The following OR51B5 variants were observed in gnomAD, a reference collection of about 807,000 sequenced individuals.
OR51B5 encodes the protein olfactory receptor family 51 subfamily B member 5, also known as olfactory receptor 51B5.
For synonymous variants in OR51B5, 186 were observed against 144.8 expected (o/e 1.28, Z -2.04); for missense variants, 456 against 374.6 (o/e 1.22, Z -1.79).
intron 1 of OR51B5, among the ~76,000 whole-genome samples, chr11:5,457,570 T>C (rs1379245431): frequency 6.6e-6 from 1 of 152,220 alleles, no homozygotes; most frequent in Admixed American, 6.5e-5. Flanking sequence ...GCTGAACTAA[T>C]TTACATTCCC....
chr11:5,487,960 T>C (rs415009), intron 1 of OR51B5, among the ~76,000 whole-genome samples: 146,190 of 152,264 alleles, frequency 0.96, 70,214 homozygotes, highest in South Asian at 0.98. Context: ...GCACTTCAGA[T>C]GATATATATA....
At chr11:5,492,216 G>C (rs919250818) in intron 1 of OR51B5, among the ~76,000 whole-genome samples, 4 of 151,850 alleles carry the variant, frequency 2.6e-5, no homozygotes, top group African/African-American at 9.7e-5. Context: ...CACCAAGTCT[G>C]TCTCTCTCAC....
chr11:5,452,902 A>G (rs1264544440), intron 1 of OR51B5, among the ~76,000 whole-genome samples: 1 of 152,216 alleles, frequency 6.6e-6, no homozygotes, highest in Non-Finnish European at 1.5e-5. Flanking sequence ...CTGCCAATGA[A>G]AAGCTCATGA....
At chr11:5,440,604 C>G (rs77336780) in intron 1 of OR51B5, 89,073 of 1,613,394 alleles carry the variant, frequency 0.055, 3,416 homozygotes, top group East Asian at 0.17. Context: ...CTTGAGAATC[C>G]CTTTGCGGAT....
At chr11:5,347,800 A>T (rs1419750930), upstream of OR51B5, among the ~76,000 whole-genome samples, 3 of 152,026 alleles carry the variant, frequency 2.0e-5, no homozygotes, top group Non-Finnish European at 2.9e-5. Flanking sequence ...GAGGGAGCAG[A>T]AGAGGGAGGG....
chr11:5,446,253 T>C (rs1850761690), intron 1 of OR51B5, among the ~76,000 whole-genome samples: 1 of 150,846 alleles, frequency 6.6e-6, no homozygotes. Context: ...TAAAGTATAA[T>C]AAAAATACAT....
At chr11:5,377,733 A>T (rs1415406502) in intron 1 of OR51B5, among the ~76,000 whole-genome samples, 2 of 151,870 alleles carry the variant, frequency 1.3e-5, no homozygotes, top group Non-Finnish European at 2.9e-5. Flanking sequence ...AGAATAAAAT[A>T]CCTAGGAATC....
intron 1 of OR51B5, among the ~76,000 whole-genome samples, chr11:5,377,464 A>C (rs1461881189): frequency 1.3e-5 from 2 of 152,194 alleles, no homozygotes; most frequent in South Asian, 2.1e-4. Context: ...TGGCCAGGGC[A>C]ATTAGGCAGA....
At chr11:5,476,540 T>C (rs1417863570) in intron 1 of OR51B5, among the ~76,000 whole-genome samples, 1 of 152,222 alleles carries the variant, frequency 6.6e-6, no homozygotes, top group African/African-American at 2.4e-5. Flanking sequence ...CTTTGTGACT[T>C]GGTATCTCTT....
At chr11:5,387,395 T>C (rs1230884592) in intron 1 of OR51B5, among the ~76,000 whole-genome samples, 1 of 152,154 alleles carries the variant, frequency 6.6e-6, no homozygotes, top group Non-Finnish European at 1.5e-5. Flanking sequence ...AAAAAAACAT[T>C]ATAGGGTGGT....
intron 1 of OR51B5, among the ~76,000 whole-genome samples, chr11:5,467,958 T>A (rs1310120962): frequency 6.6e-6 from 1 of 152,198 alleles, no homozygotes; most frequent in Admixed American, 6.5e-5. Flanking sequence ...GAATTCCATG[T>A]GTTGTATGGT....
chr11:5,413,368 A>T (rs1344275639), intron 1 of OR51B5, among the ~76,000 whole-genome samples: 1 of 152,132 alleles, frequency 6.6e-6, no homozygotes, highest in Non-Finnish European at 1.5e-5. Context: ...AAACTCTAAA[A>T]AGCAGAGCAC....
At chr11:5,438,716 A>T (rs1850627165) in intron 1 of OR51B5, among the ~76,000 whole-genome samples, 1 of 152,188 alleles carries the variant, frequency 6.6e-6, no homozygotes, top group Non-Finnish European at 1.5e-5. Flanking sequence ...ACATCCATGC[A>T]AATCTCAAGA....
intron 1 of OR51B5, among the ~76,000 whole-genome samples, chr11:5,360,109 A>T (rs1463229646): frequency 6.6e-6 from 1 of 152,046 alleles, no homozygotes; most frequent in East Asian, 1.9e-4. Context: ...CTAAAACACC[A>T]AAAGCAATGG....
chr11:5,470,634 T>C (rs148013756), intron 1 of OR51B5, among the ~76,000 whole-genome samples: 1 of 152,220 alleles, frequency 6.6e-6, no homozygotes. Flanking sequence ...TCAATTATCA[T>C]GTTTTATCCT....
At chr11:5,386,751 G>C (rs1849701315) in intron 1 of OR51B5, among the ~76,000 whole-genome samples, 2 of 152,142 alleles carry the variant, frequency 1.3e-5, no homozygotes, top group South Asian at 2.1e-4. Context: ...ATTGGCTACA[G>C]AGATGAAGAT....
chr11:5,408,443 A>G (rs1445025117), intron 1 of OR51B5, among the ~76,000 whole-genome samples: 1 of 145,052 alleles, frequency 6.9e-6, no homozygotes, highest in Non-Finnish European at 1.5e-5. Flanking sequence ...GGCCTTGGAT[A>G]TAATTTGGAA....
intron 1 of OR51B5, among the ~76,000 whole-genome samples, chr11:5,358,259 G>C (rs1340990236): frequency 6.6e-6 from 1 of 151,642 alleles, no homozygotes. Context: ...GACTAATAAA[G>C]AAGAAAAGAG....
At chr11:5,400,478 A>G (rs1208890766) in intron 1 of OR51B5, among the ~76,000 whole-genome samples, 1 of 151,566 alleles carries the variant, frequency 6.6e-6, no homozygotes, top group Non-Finnish European at 1.5e-5. Flanking sequence ...ACTACATTGC[A>G]TGCAACTTAG....
Sources: gnomAD v4.1 joint callset for allele counts (sites outside exome capture counted in the v4.1 genomes callset) on GRCh38, gnomAD v4.1.1 for gene constraint, MANE v1.5 for transcripts, NCBI Gene and HGNC (gene_info 2026-07-23, HGNC 2026-07-21) for gene names.